Variants in EML4 observed in about 807,000 individuals in gnomAD.
EML4 encodes the protein echinoderm microtubule-associated protein-like 4.
EML4 carries 72 observed loss-of-function variants against 129.0 expected under a neutral mutation model. The ratio of observed to expected loss-of-function variants is 0.56; its 90% CI spans 0.46 to 0.68. EML4 has a LOEUF of 0.68. Among genes scored for constraint, EML4 ranks in the 30% least tolerant of loss-of-function variants. The pLI, the probability that EML4 is intolerant of heterozygous loss-of-function variation, is 0.00. For missense variants in EML4, 1,363 were observed against 1,190.6 expected (o/e 1.14, Z -2.13); for synonymous variants, 532 against 405.0 (o/e 1.31, Z -3.77).
chr2:42,256,350 C>T, intron 2 of EML4, 151 bp from the exon 3 acceptor site: 1 of 658,982 alleles, frequency 1.5e-6, no homozygotes, highest in African/African-American at 1.8e-5. Context: ...TGCTGCATAC[C>T]ATGGGGGCAT....
chr2:42,281,123 G>A, intron 7 of EML4, 150 bp downstream of exon 7: 1 of 661,252 alleles, frequency 1.5e-6, no homozygotes, highest in Non-Finnish European at 2.4e-6. Context: ...GCCAGGCGCG[G>A]TGGTTCACGC....
chr2:42,200,767 C>T (rs1251887770), intron 1 of EML4, among the ~76,000 whole-genome samples: 1 of 152,118 alleles, frequency 6.6e-6, no homozygotes, highest in Non-Finnish European at 1.5e-5. Flanking sequence ...TTTGCAGACA[C>T]TCATAGTCTT....
At chr2:42,294,084 A>C in intron 11 of EML4, among the ~76,000 whole-genome samples, 1 of 152,386 alleles carries the variant, frequency 6.6e-6, no homozygotes. Flanking sequence ...TTACTATAAA[A>C]TATCAATTTA....
In EML4 at chr2:42,330,099, C is replaced by G; in HGVS notation, c.2838C>G (p.Ser946Arg). Residue 946 changes from serine to arginine, a missense_variant, in exon 23 of 23, where the codon AGC (serine) becomes AGG (arginine). Coordinates refer to ENST00000318522, the MANE Select transcript of EML4 (RefSeq NM_019063.5). Reference sequence around the variant, plus strand: ...GCGAGGAGGAGAGTGAAGAGGGCAGCGGAGACCTTGGTGAGCCTCTTTATG... The same window carrying G: ...GCGAGGAGGAGAGTGAAGAGGGCAGGGGAGACCTTGGTGAGCCTCTTTATG... Reference protein sequence around the residue: ...DHSEEESEEGSGDLGEPLYEE... With the variant: ...DHSEEESEEGRGDLGEPLYEE... 1 of 1,612,616 alleles carries G rather than the reference C, an allele frequency of 6.2e-7. No homozygotes were observed. The highest frequency in any genetic ancestry group is 8.5e-7 in the Non-Finnish European group (1 of 1,179,778).
At chr2:42,223,212 C>T (rs1673731275) in intron 1 of EML4, among the ~76,000 whole-genome samples, 1 of 152,124 alleles carries the variant, frequency 6.6e-6, no homozygotes, top group African/African-American at 2.4e-5. Flanking sequence ...CCCTCTCTCC[C>T]TGCTACATAC....
At chr2:42,239,573 T>A (rs1252449481) in intron 1 of EML4, among the ~76,000 whole-genome samples, 1 of 152,210 alleles carries the variant, frequency 6.6e-6, no homozygotes, top group African/African-American at 2.4e-5. Flanking sequence ...CCGTTTTCTC[T>A]TCATTCTTTA....
At chr2:42,307,092 T>C (rs1668647679) in intron 17 of EML4, among the ~76,000 whole-genome samples, 1 of 152,196 alleles carries the variant, frequency 6.6e-6, no homozygotes, top group Non-Finnish European at 1.5e-5. Context: ...AATGGGCGAT[T>C]GTAAGGCTAG....
chr2:42,280,905 T>A lies in EML4; in HGVS notation c.723T>A (p.Pro241=), dbSNP rs1666968583. The A allele has an allele frequency of 6.2e-7, 1 of 1,612,842 alleles. No individual in the cohort carries two copies. The highest frequency in any genetic ancestry group is 1.3e-5 in the African/African-American group (1 of 75,032). ...MRGRPITMFI[P]SDVDNYDDIR... Reference sequence around the variant, plus strand: ...GTCGGCCAATTACCATGTTCATTCCTTCCGATGTTGACAACTATGATGACA... The same window carrying A: ...GTCGGCCAATTACCATGTTCATTCCATCCGATGTTGACAACTATGATGACA... The change falls in exon 7 of 23, where the codon CCT becomes CCA. Residue 241 remains proline (P), a synonymous_variant. Transcript: ENST00000318522.
chr2:42,259,119 C>CAT (rs1665544498), intron 3 of EML4, among the ~76,000 whole-genome samples: 8 of 151,770 alleles, frequency 5.3e-5, no homozygotes, highest in Non-Finnish European at 1.2e-4. Flanking sequence ...TGGTGGCGGG[C>CAT]GCCTGTAATC....
intron 9 of EML4, among the ~76,000 whole-genome samples, chr2:42,285,751 A>G (rs962180822): frequency 1.3e-5 from 2 of 151,962 alleles, no homozygotes; most frequent in Middle Eastern, 3.2e-3. Flanking sequence ...GGCGCGTACT[A>G]CCATGCCTGG....
At chr2:42,181,023 G>A (rs1439672754) in intron 1 of EML4, among the ~76,000 whole-genome samples, 2 of 152,172 alleles carry the variant, frequency 1.3e-5, no homozygotes. Flanking sequence ...GTGAAGCTGT[G>A]TTTGTCTCAT....
At chr2:42,181,461 G>T (rs968630652) in intron 1 of EML4, among the ~76,000 whole-genome samples, 4 of 151,970 alleles carry the variant, frequency 2.6e-5, no homozygotes, top group African/African-American at 9.7e-5. Context: ...ACTAACACTT[G>T]GCTAATTTTT....
intron 2 of EML4, among the ~76,000 whole-genome samples, chr2:42,254,421 G>A (rs1412232303): frequency 6.7e-6 from 1 of 150,332 alleles, no homozygotes; most frequent in Non-Finnish European, 1.5e-5. Flanking sequence ...TTGTGACATG[G>A]CACTCCAGCC....
At chr2:42,313,722 G>A (rs1413589824) in intron 17 of EML4, among the ~76,000 whole-genome samples, 1 of 152,110 alleles carries the variant, frequency 6.6e-6, no homozygotes, top group Non-Finnish European at 1.5e-5. Context: ...GAGGTCAGGA[G>A]TTCAAGACCA....
At chr2:42,226,254 T>C (rs1421622219) in intron 1 of EML4, among the ~76,000 whole-genome samples, 1 of 152,202 alleles carries the variant, frequency 6.6e-6, no homozygotes, top group East Asian at 1.9e-4. Context: ...GCCATGACAC[T>C]GAAGGGACAG....
intron 1 of EML4, among the ~76,000 whole-genome samples, chr2:42,195,525 A>G (rs1671848031): frequency 6.6e-6 from 1 of 152,234 alleles, no homozygotes; most frequent in Admixed American, 6.5e-5. Flanking sequence ...CTAAGTATAA[A>G]AATACAAGAC....
intron 1 of EML4, among the ~76,000 whole-genome samples, chr2:42,210,630 C>G (rs1046085024): frequency 6.6e-6 from 1 of 152,086 alleles, no homozygotes; most frequent in Non-Finnish European, 1.5e-5. Context: ...CTTCTGTTCC[C>G]TTAGATAATT....
intron 8 of EML4, among the ~76,000 whole-genome samples, chr2:42,283,240 T>C (rs1297407222): frequency 6.6e-6 from 1 of 152,244 alleles, no homozygotes; most frequent in African/African-American, 2.4e-5. Context: ...CCTTCTCTTC[T>C]CTGGTCTGTA....
At chr2:42,200,526 C>T (rs1380011902) in intron 1 of EML4, among the ~76,000 whole-genome samples, 1 of 152,156 alleles carries the variant, frequency 6.6e-6, no homozygotes, top group Non-Finnish European at 1.5e-5. Context: ...TCAACAAATG[C>T]TGATTTCTTA....
Sources: gnomAD v4.1 joint callset for allele counts (sites outside exome capture counted in the v4.1 genomes callset) on GRCh38, gnomAD v4.1.1 for gene constraint, MANE v1.5 for transcripts, NCBI Gene and HGNC (gene_info 2026-07-23, HGNC 2026-07-21) for gene names.